The following RIMS1 variants were observed in gnomAD, a reference collection of about 807,000 sequenced individuals.
The protein encoded by RIMS1 is regulating synaptic membrane exocytosis protein 1.
In RIMS1, 83 loss-of-function variants were observed where a neutral mutation model predicts 214.1. The ratio of observed to expected loss-of-function variants is 0.39; its 90% CI spans 0.32 to 0.47. The LOEUF (loss-of-function observed/expected upper bound fraction) is 0.47, where lower values mean the gene tolerates loss of function less well. RIMS1 is among the 20% of genes least tolerant of loss of function. The probability of loss-of-function intolerance (pLI) is 0.99; values close to 1 mark genes in which losing one functional copy is unlikely to be tolerated. For missense variants in RIMS1, 2,050 were observed against 2,161.8 expected (o/e 0.95, Z 1.03); for synonymous variants, 793 against 786.8 (o/e 1.01, Z -0.13).
intron 1 of RIMS1, among the ~76,000 whole-genome samples, chr6:71,915,264 C>T (rs1778010163): frequency 1.3e-5 from 2 of 151,930 alleles, no homozygotes; most frequent in African/African-American, 4.8e-5. Context: ...ACTTTTTATC[C>T]TTCCCCAATT....
chr6:72,263,819 A>G (rs1186773570), intron 19 of RIMS1: 1 of 397,110 alleles, frequency 2.5e-6, no homozygotes, highest in African/African-American at 2.2e-5. Context: ...ACACACACAC[A>G]CACACACACA....
At chr6:72,249,595 C>A (rs898470604) in intron 12 of RIMS1, among the ~76,000 whole-genome samples, 11 of 151,936 alleles carry the variant, frequency 7.2e-5, no homozygotes, top group Admixed American at 3.3e-4. Context: ...CATAGCAAGA[C>A]CCCCGATTCC....
chr6:72,147,016 T>C (rs1395316738), intron 4 of RIMS1, among the ~76,000 whole-genome samples: 1 of 152,206 alleles, frequency 6.6e-6, no homozygotes, highest in Non-Finnish European at 1.5e-5. Flanking sequence ...CAAACGATTT[T>C]CAAAAGCCAA....
chr6:71,977,040 C>T (rs1797328920), intron 2 of RIMS1, among the ~76,000 whole-genome samples: 1 of 152,144 alleles, frequency 6.6e-6, no homozygotes, highest in Admixed American at 6.6e-5. Context: ...ATGTTCACAA[C>T]TCTGTGTCCT....
chr6:72,391,752 CA>C (rs1410383913), intron 30 of RIMS1, among the ~76,000 whole-genome samples: 1 of 152,116 alleles, frequency 6.6e-6, no homozygotes, highest in Admixed American at 6.5e-5. Context: ...GAACAAAAAT[CA>C]GCAGGTATGA....
In RIMS1 at chr6:72,182,279, C is replaced by A; in HGVS notation, c.813-5C>A. On this transcript the variant is annotated splice_polypyrimidine_tract_variant and splice_region_variant and intron_variant, in intron 5 of 33. Transcript: ENST00000521978. ...CTCTCCTTGACGTTCCTTTGTATAT[C>A]ATAGAAAGAAGACCCCAGGGCTTTC... The A allele has an allele frequency of 6.4e-7, 1 of 1,562,802 alleles. No homozygotes were observed. Among genetic ancestry groups the A allele is most frequent in the South Asian group, 1.2e-5 (1 of 82,320 alleles).
At chr6:71,948,290 TG>T (rs1788483100) in intron 1 of RIMS1, among the ~76,000 whole-genome samples, 1 of 152,186 alleles carries the variant, frequency 6.6e-6, no homozygotes, top group Middle Eastern at 3.2e-3. Context: ...TCTGTGCACT[TG>T]CTAGGATTAT....
In RIMS1 at chr6:72,179,642, T is replaced by C; in HGVS notation, c.539T>C (p.Phe180Ser). ...TTAACCAAATCTGGGGCATGGTTCT[T>C]TGGAAGTGGCCCTCAGCAGACAAGT... ...EILTKSGAWF[F>S]GSGPQQTSQD... The change falls in exon 5 of 34, where the codon TTT (phenylalanine) becomes TCT (serine). Residue 180 changes from phenylalanine (F) to serine (S), a missense_variant. This residue lies in a region of RIMS1 where 882 missense variants were observed against 828.9 expected (regional missense o/e 1.06). Coordinates refer to ENST00000521978, the MANE Select transcript of RIMS1 (RefSeq NM_014989.7). The C allele has an allele frequency of 6.2e-7, 1 of 1,613,916 alleles. No individual in the cohort carries two copies. Among genetic ancestry groups the C allele is most frequent in the Non-Finnish European group, 8.5e-7 (1 of 1,179,856 alleles).
At chr6:72,130,112 A>T in intron 4 of RIMS1, among the ~76,000 whole-genome samples, 1 of 152,172 alleles carries the variant, frequency 6.6e-6, no homozygotes, top group Middle Eastern at 3.4e-3. Context: ...ATATTTATTT[A>T]TTTATTTACT....
intron 2 of RIMS1, among the ~76,000 whole-genome samples, chr6:72,025,537 A>G (rs562194661): frequency 2.0e-3 from 301 of 152,328 alleles, no homozygotes; most frequent in Admixed American, 3.6e-3. Flanking sequence ...TATTCTACCT[A>G]TAATGGAATG....
intron 2 of RIMS1, among the ~76,000 whole-genome samples, chr6:72,058,923 A>T (rs1827100773): frequency 6.6e-6 from 1 of 152,146 alleles, no homozygotes; most frequent in Admixed American, 6.6e-5. Flanking sequence ...TATTTGCATT[A>T]TTAAAACTAG....
At chr6:72,361,620 T>C (rs2746209) in intron 29 of RIMS1, among the ~76,000 whole-genome samples, 1 of 151,998 alleles carries the variant, frequency 6.6e-6, no homozygotes, top group South Asian at 2.1e-4. Flanking sequence ...TAAGAGTAAT[T>C]ATAAATACCG....
chr6:72,049,980 G>A (rs1455673359), intron 2 of RIMS1, among the ~76,000 whole-genome samples: 2 of 152,114 alleles, frequency 1.3e-5, no homozygotes, highest in Non-Finnish European at 2.9e-5. Context: ...AAGAGAATAG[G>A]ATGACTCTGC....
chr6:72,004,597 G>T (rs1806687723), intron 2 of RIMS1, among the ~76,000 whole-genome samples: 1 of 152,074 alleles, frequency 6.6e-6, no homozygotes, highest in South Asian at 2.1e-4. Context: ...TTGTGGTTTT[G>T]ATTTGCATTT....
At position 72,375,273 on chromosome 6, in the gene RIMS1, A is replaced by G. The variant is rs375407903; in HGVS notation, c.4367-15325A>G. 1.2e-3 allele frequency among the ~76,000 whole-genome samples: 176 copies of G among 152,276 alleles called. 7 individuals carry two copies. The South Asian group carries it at 0.036, about 31-fold the overall frequency. Reference sequence around the variant, plus strand: ...TTCTGATTTTCTCTTGGCCTCTCTAATTAATTGATTTTTATCTCTCTTCTT... The same window carrying G: ...TTCTGATTTTCTCTTGGCCTCTCTAGTTAATTGATTTTTATCTCTCTTCTT... On this transcript the variant is annotated intron_variant, in intron 29 of 33. Coordinates refer to ENST00000521978, the MANE Select transcript of RIMS1 (RefSeq NM_014989.7).
At position 71,916,387 on chromosome 6, in the gene RIMS1, A is replaced by G. The variant is rs145557298; in HGVS notation, c.164+29200A>G. 7.4e-3 allele frequency among the ~76,000 whole-genome samples: 1,128 copies of G among 152,250 alleles called. 14 individuals are homozygous for G. Among genetic ancestry groups the G allele is most frequent in the African/African-American group, 0.026 (1,083 of 41,548 alleles). On this transcript the variant is annotated intron_variant, in intron 1 of 33. Coordinates refer to ENST00000521978, the MANE Select transcript of RIMS1 (RefSeq NM_014989.7). ...TTCCAATGTTACAGAGTATTTTCTCACAGACTCCATAGCTGAAATCATTGT... is the reference window on the plus strand; with the variant it reads ...TTCCAATGTTACAGAGTATTTTCTCGCAGACTCCATAGCTGAAATCATTGT...
chr6:72,092,287 C>CCTTCCTTCCTT (rs1554220960), intron 2 of RIMS1, among the ~76,000 whole-genome samples: 1 of 57,840 alleles, frequency 1.7e-5, no homozygotes, highest in Non-Finnish European at 5.2e-5. Flanking sequence ...CTCCCTCCCT[C>CCTTCCTTCCTT]CCTCCCTTCC....
At chr6:72,260,067 G>T (rs1399708876) in intron 18 of RIMS1, among the ~76,000 whole-genome samples, 4 of 152,048 alleles carry the variant, frequency 2.6e-5, no homozygotes, top group Non-Finnish European at 5.9e-5. Flanking sequence ...AGACATCTCA[G>T]CTTGAGTTGA....
chr6:72,163,109 ATCT>A (rs1412530728), intron 4 of RIMS1, among the ~76,000 whole-genome samples: 1 of 137,726 alleles, frequency 7.3e-6, no homozygotes, highest in Non-Finnish European at 1.6e-5. Flanking sequence ...TTTTTCTCTA[ATCT>A]TCTCTTCTCA....
Sources: allele counts gnomAD v4.1 joint callset (sites outside exome capture counted in the v4.1 genomes callset), GRCh38; gene constraint gnomAD v4.1.1; regional missense constraint gnomAD v4.1.1; transcripts MANE v1.5; gene names NCBI Gene and HGNC (gene_info 2026-07-23, HGNC 2026-07-21).